GABRA2: variants seen among roughly 807,000 people sequenced by gnomAD.
GABRA2 encodes gamma-aminobutyric acid type A receptor subunit alpha2.
GABRA2 carries 16 observed loss-of-function variants against 48.7 expected under a neutral mutation model. That is an observed-to-expected ratio of 0.33 (90% CI 0.22 to 0.50). The LOEUF (loss-of-function observed/expected upper bound fraction) is 0.50, where lower values mean the gene tolerates loss of function less well. GABRA2 is among the 20% of genes least tolerant of loss of function. The pLI, the probability that GABRA2 is intolerant of heterozygous loss-of-function variation, is 0.98. For synonymous variants in GABRA2, 185 were observed against 184.5 expected, an observed-to-expected ratio of 1.00 and a Z score of -0.02; for missense variants, 275 against 535.6, an observed-to-expected ratio of 0.51 and a Z score of 4.80.
At chr4:46,288,723 T>C (rs537474092) in intron 8 of GABRA2, among the ~76,000 whole-genome samples, 30 of 152,160 alleles carry the variant, frequency 2.0e-4, no homozygotes, top group Admixed American at 9.2e-4. Context: ...TGGGATCTAA[T>C]TGAACTAAAG....
At chr4:46,368,414 C>T (rs550872955) in intron 3 of GABRA2, 3 of 152,274 alleles carry the variant, frequency 2.0e-5, no homozygotes, top group South Asian at 4.1e-4. Flanking sequence ...AAATAAAGTA[C>T]TATGAGAGAA....
chr4:46,342,748 T>G (rs550976565), intron 3 of GABRA2, among the ~76,000 whole-genome samples: 5 of 152,190 alleles, frequency 3.3e-5, no homozygotes, highest in Admixed American at 2.6e-4. Flanking sequence ...CTCCAACTCC[T>G]GGGCTCAAGT....
At chr4:46,268,138 G>A (rs190654588) in intron 8 of GABRA2, among the ~76,000 whole-genome samples, 4 of 151,862 alleles carry the variant, frequency 2.6e-5, no homozygotes, top group East Asian at 3.9e-4. Context: ...ACATTAGTTC[G>A]GGTAATGATT....
chr4:46,376,908 T>C (rs1002115296), intron 3 of GABRA2, among the ~76,000 whole-genome samples: 1 of 152,108 alleles, frequency 6.6e-6, no homozygotes, highest in Admixed American at 6.5e-5. Context: ...CTGGTTTTCC[T>C]ATTTTTTTGG....
rs1344896084 is a variant in GABRA2, at chr4:46,282,402, ATACT to A, written c.857-20278_857-20275del. Reference sequence around the variant, plus strand: ...ATATCTGAGATGGTGTTTCTTGTGCATACTTAGACAAACTTGTGACTAATAAGAA... The same window carrying A: ...ATATCTGAGATGGTGTTTCTTGTGCATAGACAAACTTGTGACTAATAAGAA... On this transcript the variant is annotated intron_variant, in intron 8 of 9. Transcript: ENST00000381620. 9.8e-5 allele frequency among the ~76,000 whole-genome samples: 15 copies of A among 152,338 alleles called. No homozygotes were observed. The South Asian group carries it at 2.9e-3, about 29-fold the overall frequency.
At chr4:46,300,299 C>CTG (rs34059776) in intron 8 of GABRA2, among the ~76,000 whole-genome samples, 2,519 of 151,764 alleles carry the variant, frequency 0.017, 34 homozygotes, top group South Asian at 0.037. Flanking sequence ...CAGTATGGAT[C>CTG]TGTGTGTGTG....
intron 3 of GABRA2, among the ~76,000 whole-genome samples, chr4:46,371,852 G>T (rs1483374822): frequency 6.6e-6 from 1 of 152,074 alleles, no homozygotes; most frequent in Non-Finnish European, 1.5e-5. Context: ...AATATTTAGT[G>T]AGCACTTAAA....
intron 4 of GABRA2, among the ~76,000 whole-genome samples, chr4:46,313,221 TAAAA>T (rs1727975617): frequency 6.7e-6 from 1 of 149,336 alleles, no homozygotes; most frequent in Non-Finnish European, 1.5e-5. Context: ...ATTAAAAAAT[TAAAA>T]AGAAAAAAAC....
chr4:46,252,334 A>C (rs1441565883), intron 9 of GABRA2, among the ~76,000 whole-genome samples: 2 of 151,500 alleles, frequency 1.3e-5, no homozygotes, highest in Non-Finnish European at 3.0e-5. Flanking sequence ...TTACAAATAG[A>C]GGATAATGTC....
chr4:46,382,556 C>G (rs1156592401), intron 3 of GABRA2, among the ~76,000 whole-genome samples: 2 of 152,038 alleles, frequency 1.3e-5, no homozygotes, highest in Admixed American at 1.3e-4. Context: ...ACTAGGACAC[C>G]ATTGCAAGGA....
intron 3 of GABRA2, among the ~76,000 whole-genome samples, chr4:46,338,365 A>C (rs1241559683): frequency 6.6e-6 from 1 of 151,940 alleles, no homozygotes; most frequent in African/African-American, 2.4e-5. Flanking sequence ...TGAGCCAGTA[A>C]AGTTTCTAAG....
intron 8 of GABRA2, among the ~76,000 whole-genome samples, chr4:46,285,429 T>A (rs576589802): frequency 6.6e-6 from 1 of 152,078 alleles, no homozygotes; most frequent in African/African-American, 2.4e-5. Flanking sequence ...CTTCTGCTGA[T>A]TGTAAGTTAA....
At chr4:46,261,762 ACTC>A (rs1328261467) in intron 9 of GABRA2, 161 bp downstream of exon 9, 62 of 657,870 alleles carry the variant, frequency 9.4e-5, no homozygotes, top group African/African-American at 9.2e-4. Context: ...TACTACAAGA[ACTC>A]CTAAAGGATT....
chr4:46,311,832 C>A (rs537508676), intron 5 of GABRA2, among the ~76,000 whole-genome samples: 3 of 152,202 alleles, frequency 2.0e-5, no homozygotes, highest in Admixed American at 2.0e-4. Context: ...AGCGTGGAGG[C>A]TCATGCCTGT....
chr4:46,330,583 T>TAGAGAGAGAG (rs1180886073), intron 4 of GABRA2, among the ~76,000 whole-genome samples: 15 of 108,090 alleles, frequency 1.4e-4, no homozygotes, highest in African/African-American at 4.4e-4. Context: ...TATATATATA[T>TAGAGAGAGAG]ATATATATAG....
At chr4:46,305,546 T>A (rs770121873) in intron 7 of GABRA2, 22 bp downstream of exon 7, 19 of 1,606,886 alleles carry the variant, frequency 1.2e-5, no homozygotes, top group Non-Finnish European at 1.5e-5. Context: ...CACCAGCTTT[T>A]TTAAAGACTA....
At chr4:46,354,334 T>C (rs1001913973) in intron 3 of GABRA2, among the ~76,000 whole-genome samples, 1 of 152,180 alleles carries the variant, frequency 6.6e-6, no homozygotes, top group Non-Finnish European at 1.5e-5. Context: ...CATGAGTTTC[T>C]GTTGTGTGTA....
chr4:46,346,861 C>A (rs1369427865), intron 3 of GABRA2, among the ~76,000 whole-genome samples: 1 of 151,742 alleles, frequency 6.6e-6, no homozygotes, highest in African/African-American at 2.4e-5. Flanking sequence ...TATCTGTTCA[C>A]TGACAATATA....
In GABRA2 at chr4:46,249,028, C is replaced by CTGTGTGTG. The variant is rs1444824447; in HGVS notation, c.*1279_*1280insCACACACA. 10 of 48,030 alleles carry CTGTGTGTG rather than the reference C, an allele frequency of 2.1e-4. No homozygotes were observed. Among genetic ancestry groups the CTGTGTGTG allele is most frequent in the African/African-American group, 5.9e-4 (8 of 13,606 alleles). The allele number at this position is 48,030 out of a possible 1,614,324, so 3.0% of individuals were successfully genotyped here. On this transcript the variant is annotated 3_prime_UTR_variant, in exon 10 of 10. Transcript: ENST00000381620. ...TTTAAAATTGTGTTTTCTAATTTAG[C>CTGTGTGTG]TGTGTATGTGTGTGTGTGTGTGTGT... is the stretch of plus-strand genomic sequence containing the variant.
Sources: allele counts gnomAD v4.1 joint callset (sites outside exome capture counted in the v4.1 genomes callset), GRCh38; gene constraint gnomAD v4.1.1; transcripts MANE v1.5; gene names NCBI Gene and HGNC (gene_info 2026-07-23, HGNC 2026-07-21).